SRPX: variants seen among roughly 807,000 people sequenced by gnomAD.
The protein encoded by SRPX is sushi repeat-containing protein SRPX.
SRPX carries 24 observed loss-of-function variants against 38.1 expected under a neutral mutation model. The observed-to-expected ratio is 0.63, with a 90% CI of 0.46 to 0.89. The LOEUF is 0.89. Among genes scored for constraint, SRPX ranks in the 40% least tolerant of loss-of-function variants. The pLI is 0.00. For missense variants in SRPX, 416 were observed against 377.8 expected (o/e 1.10, Z -0.84); for synonymous variants, 184 against 153.8 (o/e 1.20, Z -1.45).
intron 4 of SRPX, among the ~76,000 whole-genome samples, chrX:38,166,375 C>T (rs1938364718): frequency 1.8e-5 from 2 of 112,126 alleles, no homozygotes; most frequent in South Asian, 7.4e-4. Context: ...AGCCTTAATG[C>T]ACCAATCCTA....
rs1428383848 is a variant in SRPX at position 38,160,309 on chromosome X, C to T, written c.776-113G>A. ...TTTGCAATCAGGCTTCTACATCAGC[C>T]TGTGAAATGAGTGAGGGAGGAGGGA... On this transcript the variant is annotated intron_variant, in intron 6 of 9. Coordinates refer to ENST00000378533, the MANE Select transcript of SRPX (RefSeq NM_006307.5). 4.0e-6 allele frequency: 3 copies of T among 746,342 alleles called. No homozygotes were observed. In the African/African-American group the frequency reaches 6.4e-5, roughly 16 times the overall value. The allele number at this position is 746,342 out of a possible 1,213,427, so 61.5% of individuals were successfully genotyped here.
rs73469667 is a variant in SRPX at position 38,174,954 on chromosome X, T to C, written c.158-603A>G. On this transcript the variant is annotated intron_variant, in intron 2 of 9. Transcript: ENST00000378533. ...AATTTCGCTTAAAGTCACAGAACAA[T>C]TGCTCTCCATAGAGAAGTGTCCCCA... is the stretch of plus-strand genomic sequence containing the variant. 1.8e-3 allele frequency among the ~76,000 whole-genome samples: 200 copies of C among 111,823 alleles called. 1 individual carries two copies. Among genetic ancestry groups the C allele is most frequent in the African/African-American group, 6.4e-3 (196 of 30,789 alleles).
At chrX:38,190,331 C>G (rs1388682055) in intron 1 of SRPX, among the ~76,000 whole-genome samples, 1 of 111,777 alleles carries the variant, frequency 8.9e-6, no homozygotes, top group Non-Finnish European at 1.9e-5. Context: ...CATGAGAATG[C>G]CTGAAAGTGA....
intron 2 of SRPX, among the ~76,000 whole-genome samples, chrX:38,176,687 G>A (rs1938572939): frequency 9.0e-6 from 1 of 111,476 alleles, no homozygotes; most frequent in Admixed American, 9.5e-5. Context: ...CAGCTACCTG[G>A]GAGGCTAAGA....
chrX:38,187,415 T>C (rs755917362), intron 1 of SRPX, among the ~76,000 whole-genome samples: 10 of 111,884 alleles, frequency 8.9e-5, no homozygotes, highest in Middle Eastern at 9.1e-3. Context: ...GGAAAAGCCA[T>C]ACAGTCAATC....
chrX:38,171,516 T>C (rs750049796), intron 4 of SRPX, among the ~76,000 whole-genome samples: 13 of 111,538 alleles, frequency 1.2e-4, no homozygotes, highest in South Asian at 3.8e-4. Flanking sequence ...GAAGCTACAT[T>C]GGGGCTGAAA....
At chrX:38,172,153 G>C (rs1938483090) in intron 3 of SRPX, 96 bp from the exon 4 acceptor site, 2 of 988,775 alleles carry the variant, frequency 2.0e-6, no homozygotes, top group Non-Finnish European at 2.8e-6. Flanking sequence ...GAGGTGAAAA[G>C]TTAATTTAAA....
At chrX:38,185,964 C>T (rs1231512568) in intron 1 of SRPX, among the ~76,000 whole-genome samples, 2 of 108,420 alleles carry the variant, frequency 1.8e-5, no homozygotes, top group Non-Finnish European at 3.8e-5. Flanking sequence ...AGAGGGTAGA[C>T]TCTGATATGC....
chrX:38,220,331 G>A (rs1013874219), intron 1 of SRPX, among the ~76,000 whole-genome samples: 1 of 113,559 alleles, frequency 8.8e-6, no homozygotes, highest in Admixed American at 9.2e-5. Flanking sequence ...GGGCAACCAT[G>A]TGAGAGGCAA....
chrX:38,201,669 A>C (rs1478130434), intron 1 of SRPX, among the ~76,000 whole-genome samples: 1 of 111,128 alleles, frequency 9.0e-6, no homozygotes, highest in Non-Finnish European at 1.9e-5. Context: ...AATACAAAAA[A>C]TTAGCGAGGT....
intron 1 of SRPX, among the ~76,000 whole-genome samples, chrX:38,191,383 A>G (rs1340642304): frequency 1.8e-5 from 2 of 112,275 alleles, no homozygotes; most frequent in Non-Finnish European, 3.8e-5. Context: ...AAATTAAATT[A>G]AAACATTAGT....
chrX:38,183,481 A>G (rs1048240711), intron 1 of SRPX, among the ~76,000 whole-genome samples: 2 of 112,222 alleles, frequency 1.8e-5, no homozygotes, highest in African/African-American at 6.5e-5. Flanking sequence ...CTAGTCTGCA[A>G]AATAGACACC....
Position 38,149,601 on chromosome X carries a change from T to G in SRPX, c.*110A>C. 1 of 802,573 alleles carries G rather than the reference T, an allele frequency of 1.2e-6. No homozygotes were observed. Among genetic ancestry groups the G allele is most frequent in the Non-Finnish European group, 1.7e-6 (1 of 592,157 alleles). 66.1% of individuals were successfully genotyped at this position (802,573 alleles called of 1,213,427 possible). A position where few individuals can be genotyped will look rare whatever the true frequency, so the allele number is the denominator to read the frequency against. ...AAAGAAAGCTCATAATAAAATAGACTTTTAAAATTACAAATAAAATCTGTA... is the reference window on the plus strand; with the variant it reads ...AAAGAAAGCTCATAATAAAATAGACGTTTAAAATTACAAATAAAATCTGTA... On this transcript the variant is annotated 3_prime_UTR_variant, in exon 10 of 10. Transcript: ENST00000378533.
intron 1 of SRPX, among the ~76,000 whole-genome samples, chrX:38,192,216 C>T (rs1343947875): frequency 8.9e-6 from 1 of 111,981 alleles, no homozygotes; most frequent in Non-Finnish European, 1.9e-5. Context: ...GGCAGCATCC[C>T]CAAAGTGCAT....
chrX:38,179,758 C>G (rs1938632974), intron 1 of SRPX, among the ~76,000 whole-genome samples: 1 of 111,742 alleles, frequency 8.9e-6, no homozygotes, highest in Non-Finnish European at 1.9e-5. Context: ...CACCTTGTCT[C>G]TGCACACCCA....
At chrX:38,179,351 T>C (rs781525246) in intron 1 of SRPX, among the ~76,000 whole-genome samples, 11 of 112,511 alleles carry the variant, frequency 9.8e-5, no homozygotes, top group Non-Finnish European at 1.9e-4. Context: ...AGCTGAATGG[T>C]TTTTAAAATA....
rs1334470484 is a variant in SRPX, at chrX:38,182,672, T to A, written c.98-4328A>T. 5.7e-4 allele frequency among the ~76,000 whole-genome samples: 64 copies of A among 111,950 alleles called. No homozygotes were observed. In the Admixed American group the frequency reaches 5.9e-3, roughly 10 times the overall value. On this transcript the variant is annotated intron_variant, in intron 1 of 9. Transcript: ENST00000378533. Reference sequence around the variant, plus strand: ...AGGGGGAGGGAGCTTATGGGAAAGATTTTTCTCCCTGATAAAAGAGAAAAC... The same window carrying A: ...AGGGGGAGGGAGCTTATGGGAAAGAATTTTCTCCCTGATAAAAGAGAAAAC...
intron 1 of SRPX, among the ~76,000 whole-genome samples, chrX:38,219,058 GC>G (rs1287969358): frequency 2.0e-5 from 2 of 98,932 alleles, no homozygotes; most frequent in Non-Finnish European, 4.4e-5. Context: ...AGCCAGGAAA[GC>G]CAGGGATAGG....
Position 38,205,798 on chromosome X carries a change from T to TA in SRPX, c.97+14897dup, listed in dbSNP as rs777267489. The stretch of plus-strand genomic sequence containing the variant: ...CACATTCTGTAGCTAAACAGCCTAA[T>TA]ACACTTGGCTAGCAACCTGAGGTCC... On this transcript the variant is annotated intron_variant, in intron 1 of 9. Coordinates refer to ENST00000378533, the MANE Select transcript of SRPX (RefSeq NM_006307.5). Among the ~76,000 whole-genome samples the TA allele has an allele frequency of 3.3e-3, 369 of 112,294 alleles. 3 individuals are homozygous for TA. The highest frequency in any genetic ancestry group is 0.012 in the African/African-American group (358 of 30,878).
Sources: allele counts gnomAD v4.1 joint callset (sites outside exome capture counted in the v4.1 genomes callset), GRCh38; gene constraint gnomAD v4.1.1; transcripts MANE v1.5; gene names NCBI Gene and HGNC (gene_info 2026-07-23, HGNC 2026-07-21).